Variants in GPC5 observed in about 807,000 individuals in gnomAD.
GPC5 encodes glypican-5.
GPC5 carries 47 observed loss-of-function variants against 53.9 expected under a neutral mutation model. The observed-to-expected ratio is 0.87, with a 90% CI of 0.69 to 1.11. The LOEUF is 1.11. Among genes scored for constraint, GPC5 ranks in the 50% most tolerant of loss-of-function variants. The pLI is 0.00. For missense variants in GPC5, 748 were observed against 713.1 expected, an observed-to-expected ratio of 1.05 and a Z score of -0.56; for synonymous variants, 286 against 263.3, an observed-to-expected ratio of 1.09 and a Z score of -0.84.
chr13:91,907,824 C>T (rs1250375160), intron 5 of GPC5, 113 bp from the exon 6 acceptor site: 3 of 1,001,348 alleles, frequency 3.0e-6, no homozygotes, highest in Non-Finnish European at 4.4e-6. Flanking sequence ...GAGAAAAATA[C>T]ATTGGTGTAT....
chr13:92,272,093 G>C (rs1273896730), intron 7 of GPC5, among the ~76,000 whole-genome samples: 3 of 152,094 alleles, frequency 2.0e-5, no homozygotes, highest in African/African-American at 7.2e-5. Context: ...GCAGGGATGG[G>C]CACCTGCATC....
intron 2 of GPC5, among the ~76,000 whole-genome samples, chr13:91,485,318 T>C (rs1883543908): frequency 6.6e-6 from 1 of 151,816 alleles, no homozygotes; most frequent in Non-Finnish European, 1.5e-5. Context: ...GTTCAAGCGG[T>C]TCTCCTGCCT....
intron 7 of GPC5, among the ~76,000 whole-genome samples, chr13:92,452,125 T>G (rs866245084): frequency 2.0e-5 from 3 of 152,324 alleles, no homozygotes; most frequent in Non-Finnish European, 2.9e-5. Context: ...GATAATTAAC[T>G]GTTACTATAG....
At chr13:92,353,586 G>A (rs1213058185) in intron 7 of GPC5, among the ~76,000 whole-genome samples, 1 of 152,126 alleles carries the variant, frequency 6.6e-6, no homozygotes, top group Non-Finnish European at 1.5e-5. Context: ...TTCTTTTTGA[G>A]TGGTAGATTT....
chr13:91,894,246 C>CTTTGTTTG (rs200375529), intron 5 of GPC5, among the ~76,000 whole-genome samples: 1 of 151,906 alleles, frequency 6.6e-6, no homozygotes, highest in Non-Finnish European at 1.5e-5. Flanking sequence ...CCCTTCAGGA[C>CTTTGTTTG]TTTGTTTGTT....
At chr13:91,897,335 CTGTGTGTGTG>C (rs34783532) in intron 5 of GPC5, among the ~76,000 whole-genome samples, 132 of 139,434 alleles carry the variant, frequency 9.5e-4, no homozygotes, top group Non-Finnish European at 1.4e-3. Context: ...ATAGAGAATG[CTGTGTGTGTG>C]TGTGTGTGTG....
At chr13:91,997,353 T>C (rs1428526995) in intron 6 of GPC5, among the ~76,000 whole-genome samples, 2 of 152,246 alleles carry the variant, frequency 1.3e-5, no homozygotes, top group Admixed American at 6.5e-5. Context: ...TCTTCTTTTG[T>C]ACCATCCATC....
intron 6 of GPC5, among the ~76,000 whole-genome samples, chr13:92,001,632 C>T (rs543382124): frequency 6.6e-6 from 1 of 152,068 alleles, no homozygotes; most frequent in East Asian, 1.9e-4. Context: ...AAAGCAAAAG[C>T]ATTTAATACT....
intron 6 of GPC5, among the ~76,000 whole-genome samples, chr13:92,052,391 G>T (rs1211732189): frequency 6.6e-6 from 1 of 152,164 alleles, no homozygotes; most frequent in African/African-American, 2.4e-5. Flanking sequence ...AAGATTTATT[G>T]TGAAGAGCGA....
At chr13:92,306,583 C>A (rs565307725) in intron 7 of GPC5, among the ~76,000 whole-genome samples, 20 of 152,290 alleles carry the variant, frequency 1.3e-4, no homozygotes, top group African/African-American at 4.8e-4. Flanking sequence ...ATTCTCAATT[C>A]TTGATCTAAG....
At chr13:92,006,888 CTT>C (rs750540437) in intron 6 of GPC5, among the ~76,000 whole-genome samples, 22 of 150,552 alleles carry the variant, frequency 1.5e-4, no homozygotes, top group Non-Finnish European at 2.8e-4. Context: ...AGTTAATTAA[CTT>C]TGTTTTATTA....
intron 7 of GPC5, among the ~76,000 whole-genome samples, chr13:92,308,653 G>A (rs1566531392): frequency 1.3e-5 from 2 of 152,014 alleles, no homozygotes; most frequent in Non-Finnish European, 1.5e-5. Context: ...TTTTTGACAG[G>A]GCATGGCCGT....
intron 7 of GPC5, among the ~76,000 whole-genome samples, chr13:92,235,086 C>A (rs1481245449): frequency 6.6e-6 from 1 of 152,040 alleles, no homozygotes; most frequent in Non-Finnish European, 1.5e-5. Context: ...GACATGAACT[C>A]AATCAAAAAA....
At chr13:91,714,769 C>A (rs577502105) in intron 3 of GPC5, among the ~76,000 whole-genome samples, 77 of 152,030 alleles carry the variant, frequency 5.1e-4, no homozygotes, top group Non-Finnish European at 9.3e-4. Context: ...AATGAGAACC[C>A]AGTGATGCAG....
intron 7 of GPC5, among the ~76,000 whole-genome samples, chr13:92,846,436 TA>T (rs1878615580): frequency 1.3e-5 from 2 of 152,308 alleles, no homozygotes; most frequent in South Asian, 4.1e-4. Context: ...GTTTGGGGGC[TA>T]AATTTGGTAT....
chr13:91,946,305 G>A (rs1428049015), intron 6 of GPC5, among the ~76,000 whole-genome samples: 2 of 151,870 alleles, frequency 1.3e-5, no homozygotes, highest in African/African-American at 4.8e-5. Context: ...AGAACTAAGC[G>A]CTGCCATGGA....
At chr13:91,430,180 C>T (rs1879342789) in intron 1 of GPC5, among the ~76,000 whole-genome samples, 1 of 151,972 alleles carries the variant, frequency 6.6e-6, no homozygotes, top group African/African-American at 2.4e-5. Context: ...TCTAGAAACC[C>T]ATAAGGAAAA....
chr13:92,421,733 C>T (rs1876578597), intron 7 of GPC5, among the ~76,000 whole-genome samples: 1 of 142,378 alleles, frequency 7.0e-6, no homozygotes, highest in Non-Finnish European at 1.5e-5. Flanking sequence ...TTAATTGGCT[C>T]ACGGTTCTGC....
At chr13:91,549,334 G>C (rs920139122) in intron 2 of GPC5, among the ~76,000 whole-genome samples, 3 of 150,844 alleles carry the variant, frequency 2.0e-5, no homozygotes, top group African/African-American at 7.3e-5. Flanking sequence ...AGATAACTAT[G>C]GGTGTGGTTA....
Sources: allele counts gnomAD v4.1 joint callset (sites outside exome capture counted in the v4.1 genomes callset), GRCh38; gene constraint gnomAD v4.1.1; transcripts MANE v1.5; gene names NCBI Gene and HGNC (gene_info 2026-07-23, HGNC 2026-07-21).